FRMD1: variants seen among roughly 807,000 people sequenced by gnomAD.
FRMD1 encodes FERM domain-containing protein 1.
A neutral mutation model predicts 54.9 loss-of-function variants in FRMD1; 51 were observed. The observed-to-expected ratio is 0.93, with a 90% CI of 0.74 to 1.17. The LOEUF (loss-of-function observed/expected upper bound fraction) is 1.17, where lower values mean the gene tolerates loss of function less well. Ranked by LOEUF, FRMD1 falls within the 50% of genes most tolerant of loss-of-function variation. The pLI is 0.00. For synonymous variants in FRMD1, 324 were observed against 306.4 expected (o/e 1.06, Z -0.60); for missense variants, 729 against 743.0 (o/e 0.98, Z 0.22).
At chr6:168,079,304 T>G, upstream of FRMD1, 1 of 937,126 alleles carries the variant, frequency 1.1e-6, no homozygotes, top group Non-Finnish European at 1.5e-6. Context: ...GCGCCAGGAA[T>G]GCAAATAAAC....
chr6:168,065,431 T>C, intron 4 of FRMD1: 1 of 1,022,330 alleles, frequency 9.8e-7, no homozygotes, highest in Admixed American at 5.5e-5. Context: ...CTTGAATCCC[T>C]GGATGTGGAC....
upstream of FRMD1, among the ~76,000 whole-genome samples, chr6:168,085,653 G>C (rs1218749066): frequency 6.6e-6 from 1 of 152,206 alleles, no homozygotes; most frequent in Non-Finnish European, 1.5e-5. Flanking sequence ...GTGGCCACCA[G>C]CATGGCCACC....
At position 168,057,481 on chromosome 6, in the gene FRMD1, C is replaced by A. The variant is rs55728806; in HGVS notation, c.1408-142G>T. 3.8e-3 allele frequency: 4,737 copies of A among 1,256,756 alleles called. 18 individuals are homozygous for A. The highest frequency in any genetic ancestry group is 8.6e-3 in the Middle Eastern group (31 of 3,600). The allele number at this position is 1,256,756 out of a possible 1,614,324, so 77.9% of individuals were successfully genotyped here. A position where few individuals can be genotyped will look rare whatever the true frequency, so the allele number is the denominator to read the frequency against. On this transcript the variant is annotated intron_variant, in intron 10 of 10. Transcript: ENST00000283309. ...GCCGCAGTGCATGGCCGGCCTGCCC[C>A]TGGACGGGTCCCCCAGCACACACCT...
upstream of FRMD1, among the ~76,000 whole-genome samples, chr6:168,079,845 G>T (rs1466608619): frequency 6.6e-5 from 10 of 152,312 alleles, no homozygotes; most frequent in East Asian, 1.9e-3. Context: ...TCTCCCGCAG[G>T]GCCTGGAACC....
intron 2 of FRMD1, 103 bp downstream of exon 2, chr6:168,075,142 A>T: frequency 1.1e-6 from 1 of 921,474 alleles, no homozygotes; most frequent in Non-Finnish European, 1.8e-6. Context: ...AGAGTGGTGT[A>T]TAACTGTGTA....
At chr6:168,080,160 C>T (rs75200193), upstream of FRMD1, among the ~76,000 whole-genome samples, 2,377 of 152,048 alleles carry the variant, frequency 0.016, 60 homozygotes, top group African/African-American at 0.054. Flanking sequence ...AGGCCTGGCC[C>T]GGTGGGTTTA....
intron 10 of FRMD1, chr6:168,057,719 G>A: frequency 4.3e-6 from 1 of 231,040 alleles, no homozygotes; most frequent in Non-Finnish European, 8.5e-6. Flanking sequence ...TTATACGGGA[G>A]GAAACTGTCT....
At chr6:168,090,311 C>T (rs1347248955) in intron 1 of FRMD1, among the ~76,000 whole-genome samples, 1 of 152,208 alleles carries the variant, frequency 6.6e-6, no homozygotes, top group East Asian at 1.9e-4. Context: ...TCCCACCTCC[C>T]TCCTGAGCAG....
chr6:168,078,783 CACGGCCA>C, intron 1 of FRMD1, 92 bp downstream of exon 1: 1 of 75,332 alleles, frequency 1.3e-5, no homozygotes, highest in South Asian at 2.0e-4. Context: ...TGCTCACCCC[CACGGCCA>C]CCCAGGGCCC....
At chr6:168,073,315 G>A (rs559048095) in intron 2 of FRMD1, among the ~76,000 whole-genome samples, 2 of 151,194 alleles carry the variant, frequency 1.3e-5, no homozygotes, top group East Asian at 3.9e-4. Flanking sequence ...ACCCTGCCTG[G>A]AGAGTCTGAC....
rs1250147923 is a variant in FRMD1, at chr6:168,087,535, T to A, written c.-11-8511A>T. 2.0e-5 allele frequency among the ~76,000 whole-genome samples: 3 copies of A among 152,290 alleles called. No homozygotes were observed. In the East Asian group the frequency reaches 5.8e-4, roughly 29 times the overall value. ...TGTCAGCCGCACATCGTGAGACGGC[T>A]CTGTGGGGAGAACGCAGGCTGCTGT... On this transcript the variant is annotated intron_variant, in intron 1 of 12. Coordinates refer to the FRMD1 transcript ENST00000644440.
chr6:168,062,075 G>C (rs1383644373), intron 7 of FRMD1, 94 bp from the exon 8 acceptor site: 13 of 1,377,364 alleles, frequency 9.4e-6, no homozygotes, highest in Middle Eastern at 2.6e-4. Flanking sequence ...TGGCCCCCAG[G>C]GGGACGAGGC....
chr6:168,056,847 C>T lies in FRMD1; in HGVS notation c.*250G>A. 2.7e-6 allele frequency: 1 copy of T among 365,710 alleles called. No individual in the cohort carries two copies. Among genetic ancestry groups the T allele is most frequent in the Non-Finnish European group, 4.8e-6 (1 of 206,246 alleles). The allele number at this position is 365,710 out of a possible 1,614,324, so 22.7% of individuals were successfully genotyped here. A position where few individuals can be genotyped will look rare whatever the true frequency, so the allele number is the denominator to read the frequency against. On this transcript the variant is annotated 3_prime_UTR_variant, in exon 11 of 11. Transcript: ENST00000283309. ...ACTTGACAGCCAGACCTTGAACTGG[C>T]TCCCTGAGACCCTGAGGGAAAGAGC...
intron 7 of FRMD1, chr6:168,062,651 G>T: frequency 1.3e-6 from 2 of 1,549,610 alleles, no homozygotes; most frequent in Non-Finnish European, 1.7e-6. Flanking sequence ...CCAGGGCACG[G>T]GGACCCCCCA....
intron 2 of FRMD1, among the ~76,000 whole-genome samples, chr6:168,072,295 C>T (rs1167334345): frequency 6.6e-6 from 1 of 151,950 alleles, no homozygotes; most frequent in Non-Finnish European, 1.5e-5. Context: ...ACCCTCAGAA[C>T]CCCCCAACAC....
At chr6:168,087,364 G>A (rs372100000) in intron 1 of FRMD1, among the ~76,000 whole-genome samples, 1 of 152,216 alleles carries the variant, frequency 6.6e-6, no homozygotes, top group Non-Finnish European at 1.5e-5. Flanking sequence ...CACTGTGCCC[G>A]AACTTATTTC....
intron 4 of FRMD1, chr6:168,065,743 C>T: frequency 6.1e-6 from 6 of 989,500 alleles, no homozygotes; most frequent in Non-Finnish European, 6.0e-6. Context: ...CTTTCACTCT[C>T]CAGAACCCTC....
chr6:168,063,376 C>T (rs541679043), intron 6 of FRMD1, among the ~76,000 whole-genome samples: 1 of 151,870 alleles, frequency 6.6e-6, no homozygotes, highest in East Asian at 1.9e-4. Context: ...GTCCTGACCA[C>T]TCTTAGCCAT....
chr6:168,070,828 C>T (rs1259474025), intron 2 of FRMD1, among the ~76,000 whole-genome samples: 1 of 152,210 alleles, frequency 6.6e-6, no homozygotes, highest in Non-Finnish European at 1.5e-5. Context: ...ACATGACTGT[C>T]TGCTGGAGGA....
Sources: allele counts gnomAD v4.1 joint callset (sites outside exome capture counted in the v4.1 genomes callset), GRCh38; gene constraint gnomAD v4.1.1; transcripts MANE v1.5; gene names NCBI Gene and HGNC (gene_info 2026-07-23, HGNC 2026-07-21).